The following SGCD variants were observed in gnomAD, a reference collection of about 807,000 sequenced individuals.
The protein encoded by SGCD is sarcoglycan delta, also known as delta-sarcoglycan.
In SGCD, 18 loss-of-function variants were observed where a neutral mutation model predicts 36.6. That is an observed-to-expected ratio of 0.49 (90% CI 0.34 to 0.73). The LOEUF is 0.73. Among genes scored for constraint, SGCD ranks in the 30% least tolerant of loss-of-function variants. The pLI is 0.01. For missense variants in SGCD, 387 were observed against 346.7 expected (o/e 1.12, Z -0.92); for synonymous variants, 133 against 130.6 (o/e 1.02, Z -0.12).
chr5:156,698,166 G>A (rs1435394341), intron 7 of SGCD, among the ~76,000 whole-genome samples: 1 of 152,096 alleles, frequency 6.6e-6, no homozygotes, highest in Non-Finnish European at 1.5e-5. Context: ...ACAGTAAAAT[G>A]GCAGTATGTG....
intron 6 of SGCD, among the ~76,000 whole-genome samples, chr5:156,624,569 A>C (rs910046766): frequency 6.6e-6 from 1 of 152,204 alleles, no homozygotes; most frequent in Non-Finnish European, 1.5e-5. Flanking sequence ...TGACAGAACA[A>C]GACTCTGTCT....
At chr5:156,243,906 T>G (rs1177568448) in intron 3 of SGCD, among the ~76,000 whole-genome samples, 3 of 152,174 alleles carry the variant, frequency 2.0e-5, no homozygotes, top group Non-Finnish European at 4.4e-5. Flanking sequence ...AATGAGTTCA[T>G]AGTGATACAA....
intron 7 of SGCD, among the ~76,000 whole-genome samples, chr5:156,674,339 T>G (rs1054009321): frequency 6.6e-6 from 1 of 152,192 alleles, no homozygotes; most frequent in Non-Finnish European, 1.5e-5. Context: ...GCAACTAAGT[T>G]AAGAACAGGT....
At chr5:155,860,140 A>G in the SGCD span, among the ~76,000 whole-genome samples, 3 of 152,242 alleles carry the variant, frequency 2.0e-5, no homozygotes, top group Non-Finnish European at 4.4e-5. Flanking sequence ...GTTATTGCCT[A>G]TGGGCAAAAC....
At chr5:156,332,965 T>C (rs1768141940) in intron 2 of SGCD, among the ~76,000 whole-genome samples, 1 of 152,242 alleles carries the variant, frequency 6.6e-6, no homozygotes, top group Non-Finnish European at 1.5e-5. Context: ...TCAATAGATG[T>C]ACATACATAT....
intron 3 of SGCD, among the ~76,000 whole-genome samples, chr5:156,171,126 A>G (rs1763335399): frequency 6.6e-6 from 1 of 152,174 alleles, no homozygotes. Context: ...TTTTCCAAGG[A>G]GGTACCAAAA....
At chr5:156,059,127 G>T (rs1418874004) in intron 1 of SGCD, among the ~76,000 whole-genome samples, 1 of 144,792 alleles carries the variant, frequency 6.9e-6, no homozygotes, top group East Asian at 1.9e-4. Flanking sequence ...AAAAGTTTTG[G>T]TTTTTGATTT....
rs531929970 is a variant in SGCD at position 156,153,396 on chromosome 5, T to G, written c.-44+29377T>G. Among the ~76,000 whole-genome samples the G allele has an allele frequency of 4.3e-4, 66 of 151,760 alleles. 5 individuals are homozygous for G. The highest frequency in any genetic ancestry group is 1.6e-3 in the African/African-American group (65 of 41,068). ...ACTGCATTTGCATTTTCTTTTATTA[T>G]CTCCATGAAGGGAAGTAGTTAGAAA... On this transcript the variant is annotated intron_variant, in intron 3 of 9. Transcript: ENST00000517913.
chr5:155,830,132 T>C, the SGCD span, among the ~76,000 whole-genome samples: 304 of 152,308 alleles, frequency 2.0e-3, 1 homozygote, highest in Non-Finnish European at 3.4e-3. Flanking sequence ...AATTACAGTG[T>C]ATTAGACTTC....
chr5:156,464,216 A>ATTTT (rs773294916), intron 3 of SGCD, among the ~76,000 whole-genome samples: 20 of 116,280 alleles, frequency 1.7e-4, no homozygotes, highest in African/African-American at 3.6e-4. Flanking sequence ...GAATCTACAT[A>ATTTT]TTTTTTTTTT....
intron 3 of SGCD, among the ~76,000 whole-genome samples, chr5:156,143,639 C>G (rs555699041): frequency 6.6e-6 from 1 of 152,318 alleles, no homozygotes; most frequent in South Asian, 2.1e-4. Context: ...GACATGGAGT[C>G]ACAGAAGATT....
Position 156,695,516 on chromosome 5 carries a change from GATAGATAGATA to G in SGCD, c.575+47981_575+47991del, listed in dbSNP as rs1754281536. 3.8e-3 allele frequency among the ~76,000 whole-genome samples: 5 copies of G among 1,310 alleles called. No homozygotes were observed. The Admixed American group carries it at 0.078, about 20-fold the overall frequency. The allele number at this position is 1,310 out of a possible 152,430, so 0.9% of individuals were successfully genotyped here. On this transcript the variant is annotated intron_variant, in intron 7 of 8. Coordinates refer to ENST00000337851, the MANE Select transcript of SGCD (RefSeq NM_000337.6). Reference sequence around the variant, plus strand: ...AGATAGATAGATAGATAGATGGATAGATAGATAGATAGATAGATAGATAGATAGATAGATAG... The same window carrying G: ...AGATAGATAGATAGATAGATGGATAGGATAGATAGATAGATAGATAGATAG...
chr5:156,297,869 CT>C, intron 3 of SGCD, among the ~76,000 whole-genome samples: 1 of 152,026 alleles, frequency 6.6e-6, no homozygotes, highest in East Asian at 1.9e-4. Flanking sequence ...AATACTAGAT[CT>C]TATTAATTCT....
At chr5:156,644,524 T>C (rs749592847) in intron 6 of SGCD, among the ~76,000 whole-genome samples, 1 of 152,164 alleles carries the variant, frequency 6.6e-6, no homozygotes, top group Non-Finnish European at 1.5e-5. Flanking sequence ...GCAGTTTAAA[T>C]TGGATAAAAG....
intron 3 of SGCD, among the ~76,000 whole-genome samples, chr5:156,345,225 A>C (rs1365268991): frequency 6.6e-6 from 1 of 152,118 alleles, no homozygotes; most frequent in East Asian, 1.9e-4. Context: ...AATTAGAGGA[A>C]TGTAGCTGTG....
intron 3 of SGCD, among the ~76,000 whole-genome samples, chr5:156,252,296 C>T (rs1006065324): frequency 6.6e-5 from 10 of 151,944 alleles, no homozygotes; most frequent in Non-Finnish European, 1.5e-4. Context: ...AGGGTGGTCT[C>T]GAACTTCCAG....
chr5:156,594,228 C>A (rs1760835853), intron 5 of SGCD, among the ~76,000 whole-genome samples: 1 of 152,136 alleles, frequency 6.6e-6, no homozygotes, highest in African/African-American at 2.4e-5. Flanking sequence ...GGTGTGTCTC[C>A]ATCAGAATAT....
intron 1 of SGCD, among the ~76,000 whole-genome samples, chr5:155,900,495 A>G (rs1756364673): frequency 6.6e-6 from 1 of 151,858 alleles, no homozygotes; most frequent in South Asian, 2.1e-4. Context: ...ACATATGTAT[A>G]CATGTGCCAT....
intron 4 of SGCD, among the ~76,000 whole-genome samples, chr5:156,540,078 G>A (rs1160645640): frequency 6.6e-6 from 1 of 152,100 alleles, no homozygotes; most frequent in Non-Finnish European, 1.5e-5. Context: ...GAAAGAAACA[G>A]GTTCTGAGAG....
Sources: gnomAD v4.1 joint callset for allele counts (sites outside exome capture counted in the v4.1 genomes callset) on GRCh38, gnomAD v4.1.1 for gene constraint, MANE v1.5 for transcripts, NCBI Gene and HGNC (gene_info 2026-07-23, HGNC 2026-07-21) for gene names.